The following ARMH4 variants were observed in gnomAD, a reference collection of about 807,000 sequenced individuals.
ARMH4 encodes the protein armadillo like helical domain containing 4, also known as armadillo-like helical domain-containing protein 4.
Under a neutral mutation model 61.9 loss-of-function variants are expected in ARMH4, and 49 were observed. The ratio of observed to expected loss-of-function variants is 0.79; its 90% CI spans 0.63 to 1.00. ARMH4 has a LOEUF of 1.00. ARMH4 is among the 50% of genes least tolerant of loss of function. The pLI is 0.00. For synonymous variants in ARMH4, 368 were observed against 341.5 expected (o/e 1.08, Z -0.85); for missense variants, 934 against 930.0 (o/e 1.00, Z -0.06).
At chr14:58,112,863 T>C (rs568522767) in intron 4 of ARMH4, among the ~76,000 whole-genome samples, 12 of 152,320 alleles carry the variant, frequency 7.9e-5, no homozygotes, top group African/African-American at 2.9e-4. Context: ...TGTTCCTTTG[T>C]AGGTAATCTT....
Position 58,001,115 on chromosome 14 carries a change from C to T in ARMH4, c.*3621G>A, listed in dbSNP as rs1224255886. 1 of 152,138 alleles carries T rather than the reference C, an allele frequency of 6.6e-6. No homozygotes were observed. Among genetic ancestry groups the T allele is most frequent in the Non-Finnish European group, 1.5e-5 (1 of 68,028 alleles). The allele number at this position is 152,138 out of a possible 1,614,324, so 9.4% of individuals were successfully genotyped here. A position where few individuals can be genotyped will look rare whatever the true frequency, so the allele number is the denominator to read the frequency against. ...AAAGAAGTGCAATCATGCATTTGTC[C>T]TTCTGTCACTAGTTTATTTCACTTA... On this transcript the variant is annotated 3_prime_UTR_variant, in exon 8 of 8. Coordinates refer to ENST00000267485, the MANE Select transcript of ARMH4 (RefSeq NM_001001872.4).
At chr14:58,044,846 C>A (rs1883873594) in intron 5 of ARMH4, among the ~76,000 whole-genome samples, 1 of 152,188 alleles carries the variant, frequency 6.6e-6, no homozygotes, top group African/African-American at 2.4e-5. Context: ...ATACAGCCAA[C>A]AGACACATGA....
In ARMH4 at chr14:58,002,031, T is replaced by C. The variant is rs1882003511; in HGVS notation, c.*2705A>G. 6.6e-6 allele frequency: 1 copy of C among 152,228 alleles called. No individual in the cohort carries two copies. Among genetic ancestry groups the C allele is most frequent in the Non-Finnish European group, 1.5e-5 (1 of 68,040 alleles). The allele number at this position is 152,228 out of a possible 1,614,324, so 9.4% of individuals were successfully genotyped here. A position where few individuals can be genotyped will look rare whatever the true frequency, so the allele number is the denominator to read the frequency against. On this transcript the variant is annotated 3_prime_UTR_variant, in exon 8 of 8. Coordinates refer to ENST00000267485, the MANE Select transcript of ARMH4 (RefSeq NM_001001872.4). ...TTGTTTGAATAAAAAGTTGACTTTC[T>C]ATTTTAATTGTGCAAATATAAGCAT...
intron 5 of ARMH4, among the ~76,000 whole-genome samples, chr14:58,041,541 A>C (rs991765084): frequency 6.6e-6 from 1 of 152,144 alleles, no homozygotes; most frequent in Non-Finnish European, 1.5e-5. Flanking sequence ...ATCAACTAAC[A>C]AGCAAAATAA....
At chr14:58,031,072 A>G (rs1463362676) in intron 5 of ARMH4, among the ~76,000 whole-genome samples, 2 of 152,230 alleles carry the variant, frequency 1.3e-5, no homozygotes, top group East Asian at 3.8e-4. Context: ...ACTTCTATTG[A>G]GTATCTAATA....
intron 5 of ARMH4, among the ~76,000 whole-genome samples, chr14:58,064,407 G>A (rs1884636739): frequency 2.0e-5 from 3 of 152,132 alleles, no homozygotes; most frequent in African/African-American, 7.2e-5. Context: ...GCAAAAAATG[G>A]CAACTCTCAG....
At chr14:58,010,554 A>G (rs1036619198) in intron 6 of ARMH4, among the ~76,000 whole-genome samples, 4 of 152,062 alleles carry the variant, frequency 2.6e-5, no homozygotes, top group South Asian at 2.1e-4. Flanking sequence ...AAAAAATACT[A>G]CGGAAGAAAG....
chr14:58,015,622 A>G (rs1203481477), intron 5 of ARMH4, among the ~76,000 whole-genome samples: 1 of 152,186 alleles, frequency 6.6e-6, no homozygotes, highest in Non-Finnish European at 1.5e-5. Flanking sequence ...TCCTGTAAAC[A>G]GTTTTCGGTA....
chr14:58,090,796 C>T (rs1270189114), intron 5 of ARMH4, among the ~76,000 whole-genome samples: 1 of 150,270 alleles, frequency 6.7e-6, no homozygotes, highest in Non-Finnish European at 1.5e-5. Context: ...AGGAGAATCG[C>T]TTGAACCCGA....
intron 5 of ARMH4, among the ~76,000 whole-genome samples, chr14:58,048,730 A>G (rs1884022840): frequency 6.6e-6 from 1 of 152,236 alleles, no homozygotes; most frequent in African/African-American, 2.4e-5. Context: ...AGAGCGAGAC[A>G]TATGACCTAG....
chr14:58,004,645 A>G lies in ARMH4; in HGVS notation c.*91T>C. On this transcript the variant is annotated 3_prime_UTR_variant, in exon 8 of 8. Transcript: ENST00000267485. ...TAGGACTAACGGCCTGATAGCAGCAATGTGGCAGGTTGTTCTTTTTTTTTT... is the reference window on the plus strand; with the variant it reads ...TAGGACTAACGGCCTGATAGCAGCAGTGTGGCAGGTTGTTCTTTTTTTTTT... The G allele has an allele frequency of 1.8e-6, 2 of 1,095,654 alleles. No individual in the cohort carries two copies. 67.9% of individuals were successfully genotyped at this position (1,095,654 alleles called of 1,614,324 possible).
At chr14:58,007,307 A>G (rs554026218) in intron 6 of ARMH4, among the ~76,000 whole-genome samples, 2 of 152,294 alleles carry the variant, frequency 1.3e-5, no homozygotes, top group African/African-American at 2.4e-5. Flanking sequence ...GACACACTTA[A>G]GCCTTTTACT....
At chr14:58,132,994 G>A in intron 3 of ARMH4, 96 bp downstream of exon 3, 1 of 1,377,034 alleles carries the variant, frequency 7.3e-7, no homozygotes, top group Non-Finnish European at 1.0e-6. Context: ...CGCGCGCGCT[G>A]ATGGCAATGT....
chr14:58,110,696 A>G (rs1174757283), intron 4 of ARMH4, among the ~76,000 whole-genome samples: 1 of 152,080 alleles, frequency 6.6e-6, no homozygotes, highest in African/African-American at 2.4e-5. Context: ...AGCCTGCATG[A>G]TATCAATTCT....
At chr14:58,081,431 T>C (rs1018670938) in intron 5 of ARMH4, among the ~76,000 whole-genome samples, 6 of 152,108 alleles carry the variant, frequency 3.9e-5, no homozygotes, top group Admixed American at 2.0e-4. Flanking sequence ...AGAAGTTGAA[T>C]ATAAACTTGT....
At chr14:58,004,915 A>G (rs1402617875) in intron 7 of ARMH4, 111 bp from the exon 8 acceptor site, 4 of 1,516,432 alleles carry the variant, frequency 2.6e-6, no homozygotes, top group Non-Finnish European at 3.6e-6. Flanking sequence ...CAGGAGCTAC[A>G]GCAGCTAATC....
chr14:58,051,730 G>A (rs886439314), intron 5 of ARMH4, among the ~76,000 whole-genome samples: 2 of 151,962 alleles, frequency 1.3e-5, no homozygotes, highest in Non-Finnish European at 2.9e-5. Flanking sequence ...TCTTCAAATT[G>A]AACGGTCTTA....
chr14:58,027,303 T>C (rs1451318604), intron 5 of ARMH4, among the ~76,000 whole-genome samples: 1 of 152,240 alleles, frequency 6.6e-6, no homozygotes, highest in Non-Finnish European at 1.5e-5. Context: ...TAGATCTTTT[T>C]CTTTAAGTTG....
rs2140013791 is a variant in ARMH4, at chr14:58,152,209, G to A, written c.-191C>T. 1 of 154,524 alleles carries A rather than the reference G, an allele frequency of 6.5e-6. No individual in the cohort carries two copies. Among genetic ancestry groups the A allele is most frequent in the African/African-American group, 2.4e-5 (1 of 41,588 alleles). 9.6% of individuals were successfully genotyped at this position (154,524 alleles called of 1,614,324 possible). A position where few individuals can be genotyped will look rare whatever the true frequency, so the allele number is the denominator to read the frequency against. ...TCCCTCCGCTGTCTGGGACGCTAGG[G>A]GGAGGGCGCTTCGCTTTGTTGCTTA... is the stretch of plus-strand genomic sequence containing the variant. On this transcript the variant is annotated 5_prime_UTR_variant, in exon 1 of 8. Transcript: ENST00000267485.
Sources: allele counts gnomAD v4.1 joint callset (sites outside exome capture counted in the v4.1 genomes callset), GRCh38; gene constraint gnomAD v4.1.1; transcripts MANE v1.5; gene names NCBI Gene and HGNC (gene_info 2026-07-23, HGNC 2026-07-21).